DOCK4: variants seen among roughly 807,000 people sequenced by gnomAD.
DOCK4 encodes dedicator of cytokinesis protein 4.
In DOCK4, 97 loss-of-function variants were observed where a neutral mutation model predicts 268.1. The observed-to-expected ratio is 0.36, with a 90% CI of 0.31 to 0.43. The LOEUF is 0.43. Ranked by LOEUF, DOCK4 falls within the 20% of genes least tolerant of loss-of-function variation. The pLI is 1.00. For synonymous variants in DOCK4, 954 were observed against 887.2 expected (o/e 1.08, Z -1.34); for missense variants, 2,145 against 2,455.7 (o/e 0.87, Z 2.67).
chr7:111,823,273 C>T (rs1395609886), intron 26 of DOCK4, among the ~76,000 whole-genome samples: 1 of 136,374 alleles, frequency 7.3e-6, no homozygotes, highest in Non-Finnish European at 1.5e-5. Flanking sequence ...GTGGCGTGAT[C>T]TCGGCTCACT....
At chr7:111,872,189 CA>C in intron 19 of DOCK4, 79 bp downstream of exon 19, 1 of 1,360,658 alleles carries the variant, frequency 7.3e-7, no homozygotes, top group Non-Finnish European at 1.0e-6. Context: ...TTATTAAGCA[CA>C]TGTTTCTGAA....
At chr7:112,153,643 T>C (rs936836887) in intron 1 of DOCK4, among the ~76,000 whole-genome samples, 1 of 152,216 alleles carries the variant, frequency 6.6e-6, no homozygotes, top group Non-Finnish European at 1.5e-5. Context: ...AGCCATATTA[T>C]GGGTTAATTT....
At chr7:111,732,474 G>A (rs902377470) in intron 51 of DOCK4, 187 bp from the exon 52 acceptor site, 5 of 613,792 alleles carry the variant, frequency 8.1e-6, no homozygotes, top group African/African-American at 7.4e-5. Flanking sequence ...CACAAAGGGT[G>A]GCACTGCCAA....
chr7:111,976,281 A>G (rs1385597140), intron 8 of DOCK4, among the ~76,000 whole-genome samples: 2 of 41,324 alleles, frequency 4.8e-5, no homozygotes, highest in Non-Finnish European at 8.1e-5. Flanking sequence ...ATATATATAT[A>G]TATATATATA....
chr7:111,898,536 C>T (rs950335455), intron 15 of DOCK4, among the ~76,000 whole-genome samples: 2 of 152,158 alleles, frequency 1.3e-5, no homozygotes, highest in Non-Finnish European at 2.9e-5. Context: ...GCTCTGTGAG[C>T]GGGGCTATTT....
intron 12 of DOCK4, among the ~76,000 whole-genome samples, chr7:111,923,164 T>G (rs1793300173): frequency 6.6e-6 from 1 of 152,204 alleles, no homozygotes; most frequent in Admixed American, 6.5e-5. Flanking sequence ...TATTAGGTAT[T>G]ATACATAAGC....
At chr7:112,116,000 T>C (rs1417688643) in intron 1 of DOCK4, among the ~76,000 whole-genome samples, 2 of 152,192 alleles carry the variant, frequency 1.3e-5, no homozygotes, top group Admixed American at 6.5e-5. Flanking sequence ...TGTGGTAAAA[T>C]ACTCATCACA....
At chr7:111,996,740 C>G (rs1178867295) in intron 4 of DOCK4, among the ~76,000 whole-genome samples, 1 of 152,104 alleles carries the variant, frequency 6.6e-6, no homozygotes, top group Non-Finnish European at 1.5e-5. Context: ...GTACTTTACC[C>G]ACATTTAAAC....
chr7:111,901,893 T>C (rs1330748756), intron 13 of DOCK4, 92 bp from the exon 14 acceptor site: 5 of 887,562 alleles, frequency 5.6e-6, no homozygotes, highest in Non-Finnish European at 8.6e-6. Flanking sequence ...TTATACAATA[T>C]ACTGCTATAC....
chr7:111,994,072 G>T, intron 5 of DOCK4, 63 bp downstream of exon 5: 1 of 1,090,506 alleles, frequency 9.2e-7, no homozygotes. Flanking sequence ...GCTTACTCAT[G>T]TTCATGTATT....
intron 8 of DOCK4, among the ~76,000 whole-genome samples, chr7:111,969,213 A>T (rs916052962): frequency 1.9e-4 from 28 of 150,808 alleles, no homozygotes; most frequent in Admixed American, 4.0e-4. Context: ...AGTATAATAA[A>T]AAAAAAAAAA....
rs140709943 is a variant in DOCK4 at position 112,136,113 on chromosome 7, G to A, written c.37+69989C>T. 2.0e-5 allele frequency among the ~76,000 whole-genome samples: 3 copies of A among 152,256 alleles called. No homozygotes were observed. In the East Asian group the frequency reaches 5.8e-4, roughly 29 times the overall value. The stretch of plus-strand genomic sequence containing the variant: ...ATTAAATACCCTCTCAGAAGTTTTG[G>A]CCTCAGTGTGGCTTATAACCCAAAT... On this transcript the variant is annotated intron_variant, in intron 1 of 52. Coordinates refer to ENST00000428084, the MANE Select transcript of DOCK4 (RefSeq NM_001363540.2).
At chr7:112,134,443 G>A (rs1050208185) in intron 1 of DOCK4, among the ~76,000 whole-genome samples, 14 of 152,306 alleles carry the variant, frequency 9.2e-5, no homozygotes, top group South Asian at 6.2e-4. Context: ...TTAATGGCTG[G>A]GCACGGTGGC....
At chr7:111,921,647 T>A (rs1793146973) in intron 12 of DOCK4, among the ~76,000 whole-genome samples, 1 of 152,220 alleles carries the variant, frequency 6.6e-6, no homozygotes, top group Non-Finnish European at 1.5e-5. Context: ...TGCCTCAATG[T>A]TAACCTCTCT....
intron 1 of DOCK4, among the ~76,000 whole-genome samples, chr7:112,098,154 G>T (rs990919766): frequency 3.9e-5 from 6 of 152,202 alleles, no homozygotes; most frequent in African/African-American, 1.4e-4. Context: ...CACTGCTAAA[G>T]AAATTATATC....
At chr7:112,201,414 A>G (rs1291880707) in intron 1 of DOCK4, among the ~76,000 whole-genome samples, 1 of 152,148 alleles carries the variant, frequency 6.6e-6, no homozygotes, top group Non-Finnish European at 1.5e-5. Context: ...TTTGTTTCTT[A>G]TAAGGTTCAT....
chr7:112,031,963 G>A (rs1314890467), intron 1 of DOCK4, among the ~76,000 whole-genome samples: 2 of 152,154 alleles, frequency 1.3e-5, no homozygotes, highest in African/African-American at 4.8e-5. Context: ...CAAAAAAGAA[G>A]GCAGTGGGTT....
intron 1 of DOCK4, among the ~76,000 whole-genome samples, chr7:112,163,586 A>T (rs2523015): frequency 1.3e-5 from 2 of 148,866 alleles, no homozygotes; most frequent in African/African-American, 4.9e-5. Context: ...TATTTATTTA[A>T]TTATTTATTT....
intron 52 of DOCK4, among the ~76,000 whole-genome samples, chr7:111,731,861 T>C (rs540593107): frequency 6.6e-6 from 1 of 151,566 alleles, no homozygotes; most frequent in African/African-American, 2.4e-5. Flanking sequence ...TCAATCTAAG[T>C]GTGTGTGTGT....
Sources: allele counts gnomAD v4.1 joint callset (sites outside exome capture counted in the v4.1 genomes callset), GRCh38; gene constraint gnomAD v4.1.1; transcripts MANE v1.5; gene names NCBI Gene and HGNC (gene_info 2026-07-23, HGNC 2026-07-21).